The following PRPSAP1 variants were observed in gnomAD, a reference collection of about 807,000 sequenced individuals.
PRPSAP1 encodes phosphoribosyl pyrophosphate synthase-associated protein 1.
Under a neutral mutation model 39.4 loss-of-function variants are expected in PRPSAP1, and 31 were observed. The ratio of observed to expected loss-of-function variants is 0.79; its 90% confidence interval spans 0.59 to 1.06. The LOEUF is 1.06. Among genes scored for constraint, PRPSAP1 ranks in the 50% least tolerant of loss-of-function variants. The probability of loss-of-function intolerance (pLI) is 0.00; values close to 1 mark genes in which losing one functional copy is unlikely to be tolerated. For synonymous variants in PRPSAP1, 212 were observed against 192.6 expected (o/e 1.10, Z -0.83); for missense variants, 430 against 511.6 (o/e 0.84, Z 1.54).
At chr17:76,316,340 GA>G (rs1229179043) in intron 7 of PRPSAP1, among the ~76,000 whole-genome samples, 4 of 152,064 alleles carry the variant, frequency 2.6e-5, no homozygotes, top group African/African-American at 9.7e-5. Context: ...AGTTTCGCAT[GA>G]AAAACCTAGG....
At chr17:76,350,820 G>A (rs2143557703) in intron 1 of PRPSAP1, among the ~76,000 whole-genome samples, 1 of 152,336 alleles carries the variant, frequency 6.6e-6, no homozygotes, top group South Asian at 2.1e-4. Context: ...ATCACCTGAA[G>A]TTGGGAGTTT....
At chr17:76,325,041 GGAC>G (rs2071239373) in intron 7 of PRPSAP1, among the ~76,000 whole-genome samples, 1 of 148,288 alleles carries the variant, frequency 6.7e-6, no homozygotes, top group Admixed American at 6.8e-5. Context: ...ACTCCAGCCT[GGAC>G]GACAGAGAGA....
intron 7 of PRPSAP1, among the ~76,000 whole-genome samples, chr17:76,324,919 T>A (rs1367832171): frequency 6.9e-6 from 1 of 144,766 alleles, no homozygotes; most frequent in African/African-American, 2.6e-5. Context: ...AAAAAAAAAA[T>A]TAGCCAGGTG....
chr17:76,338,590 C>G (rs993176418), intron 3 of PRPSAP1, among the ~76,000 whole-genome samples: 6 of 151,980 alleles, frequency 3.9e-5, no homozygotes, highest in Non-Finnish European at 7.4e-5. Context: ...GTAATCCCAG[C>G]TACTCAGGAA....
intron 2 of PRPSAP1, among the ~76,000 whole-genome samples, chr17:76,348,160 A>AAAATAAATAAATAAATAAATAAAT (rs374946298): frequency 1.3e-4 from 19 of 149,248 alleles, no homozygotes; most frequent in African/African-American, 4.8e-4. Flanking sequence ...CATCTTAATA[A>AAAATAAATAAATAAATAAATAAAT]AAATAAATAA....
intron 7 of PRPSAP1, among the ~76,000 whole-genome samples, chr17:76,320,358 A>AGAAG (rs1426424938): frequency 2.7e-5 from 4 of 147,982 alleles, no homozygotes; most frequent in Admixed American, 2.0e-4. Flanking sequence ...GAAGGAAGAA[A>AGAAG]AAGGAAGAAA....
At chr17:76,311,761 C>T (rs2071073402) in intron 9 of PRPSAP1, 61 bp from the exon 10 acceptor site, 6 of 1,540,540 alleles carry the variant, frequency 3.9e-6, no homozygotes, top group African/African-American at 1.4e-5. Context: ...AAGCTGGTTA[C>T]ACAGAAAAGC....
At chr17:76,327,767 C>T (rs965185714) in intron 7 of PRPSAP1, among the ~76,000 whole-genome samples, 1 of 152,056 alleles carries the variant, frequency 6.6e-6, no homozygotes, top group African/African-American at 2.4e-5. Context: ...CACCATCACA[C>T]ATACAACTTT....
chr17:76,348,125 C>T (rs1345054955), intron 2 of PRPSAP1, among the ~76,000 whole-genome samples: 1 of 151,844 alleles, frequency 6.6e-6, no homozygotes, highest in Non-Finnish European at 1.5e-5. Context: ...AGTTCAAGAC[C>T]AGCCTGGCCA....
chr17:76,350,765 G>A (rs2071559415), intron 1 of PRPSAP1, among the ~76,000 whole-genome samples: 1 of 152,230 alleles, frequency 6.6e-6, no homozygotes, highest in African/African-American at 2.4e-5. Flanking sequence ...AGGCACAGTG[G>A]CTCATGCCTG....
intron 7 of PRPSAP1, among the ~76,000 whole-genome samples, chr17:76,324,538 T>C (rs1312292787): frequency 2.0e-5 from 3 of 151,542 alleles, no homozygotes; most frequent in African/African-American, 7.3e-5. Context: ...GAGGTGGAAG[T>C]TGCAGTGAGC....
intron 2 of PRPSAP1, chr17:76,346,057 G>A (rs1313765481): frequency 5.0e-6 from 2 of 402,472 alleles, no homozygotes; most frequent in Non-Finnish European, 9.5e-6. Context: ...TATGGGAAGT[G>A]GAGATGCCTG....
chr17:76,345,905 G>A (rs894211883), intron 2 of PRPSAP1: 12 of 430,858 alleles, frequency 2.8e-5, no homozygotes, highest in African/African-American at 2.3e-4. Flanking sequence ...GAACCACAGA[G>A]AAGATCTGTG....
Position 76,353,768 on chromosome 17 carries a change from G to C in PRPSAP1, c.-65C>G, listed in dbSNP as rs1004195673. ...GGCTGCACTCTGAGTGCTTCCGACT[G>C]CGAGACCCCGGTTTGGGTGGGGAAG... On this transcript the variant is annotated 5_prime_UTR_variant, in exon 1 of 10. Coordinates refer to ENST00000446526, the MANE Select transcript of PRPSAP1 (RefSeq NM_002766.3). The C allele has an allele frequency of 2.9e-6, 4 of 1,395,550 alleles. No individual in the cohort carries two copies. The highest frequency in any genetic ancestry group is 3.7e-6 in the Non-Finnish European group (4 of 1,083,562). 86.4% of individuals were successfully genotyped at this position (1,395,550 alleles called of 1,614,324 possible). A position where few individuals can be genotyped will look rare whatever the true frequency, so the allele number is the denominator to read the frequency against.
chr17:76,326,241 T>C (rs781048690), intron 7 of PRPSAP1, among the ~76,000 whole-genome samples: 2 of 152,048 alleles, frequency 1.3e-5, no homozygotes, highest in Admixed American at 6.6e-5. Context: ...CTAATAAATG[T>C]AGAAGGAATG....
chr17:76,350,483 G>C (rs1428186541), intron 1 of PRPSAP1, among the ~76,000 whole-genome samples: 3 of 152,046 alleles, frequency 2.0e-5, no homozygotes, highest in Non-Finnish European at 2.9e-5. Flanking sequence ...ATGACATGAG[G>C]GAGCCTTGGA....
At chr17:76,348,442 C>T in intron 2 of PRPSAP1, 87 bp downstream of exon 2, 13 of 836,318 alleles carry the variant, frequency 1.6e-5, no homozygotes, top group Non-Finnish European at 2.1e-5. Context: ...CACTGCACTC[C>T]AGCCTGGGCG....
chr17:76,338,582 A>G (rs1219476623), intron 3 of PRPSAP1, among the ~76,000 whole-genome samples: 1 of 152,052 alleles, frequency 6.6e-6, no homozygotes, highest in Non-Finnish European at 1.5e-5. Flanking sequence ...GTGCACCTGT[A>G]ATCCCAGCTA....
At chr17:76,350,126 T>C (rs1359276070) in intron 1 of PRPSAP1, among the ~76,000 whole-genome samples, 1 of 148,188 alleles carries the variant, frequency 6.7e-6, no homozygotes, top group Non-Finnish European at 1.5e-5. Context: ...CAATGGAATA[T>C]TATTTGGCCT....
Sources: allele counts gnomAD v4.1 joint callset (sites outside exome capture counted in the v4.1 genomes callset), GRCh38; gene constraint gnomAD v4.1.1; transcripts MANE v1.5; gene names NCBI Gene and HGNC (gene_info 2026-07-23, HGNC 2026-07-21).